The following AKT3 variants were observed in gnomAD, a reference collection of about 807,000 sequenced individuals.
AKT3 encodes the protein AKT serine/threonine kinase 3.
AKT3 carries 15 observed loss-of-function variants against 65.3 expected under a neutral mutation model. The observed-to-expected ratio is 0.23, with a 90% CI of 0.15 to 0.35. AKT3 has a LOEUF of 0.35. AKT3 is among the 10% of genes least tolerant of loss of function. AKT3 has a pLI of 1.00. For synonymous variants in AKT3, 206 were observed against 183.8 expected (o/e 1.12, Z -0.98); for missense variants, 243 against 576.5 (o/e 0.42, Z 5.92).
At chr1:243,687,518 T>G (rs190758148) in intron 3 of AKT3, 8 of 152,330 alleles carry the variant, frequency 5.3e-5, no homozygotes, top group Non-Finnish European at 7.3e-5. Flanking sequence ...GATGAAATCT[T>G]TCAGAGATGC....
chr1:243,756,027 T>C (rs1672493121), intron 2 of AKT3, among the ~76,000 whole-genome samples: 1 of 152,256 alleles, frequency 6.6e-6, no homozygotes, highest in African/African-American at 2.4e-5. Flanking sequence ...ATGAACCATA[T>C]AAGTCATATA....
At chr1:243,830,334 C>T (rs1694423826) in intron 2 of AKT3, among the ~76,000 whole-genome samples, 1 of 152,100 alleles carries the variant, frequency 6.6e-6, no homozygotes, top group Admixed American at 6.6e-5. Context: ...GCAGATTTTG[C>T]TATCTCCAGG....
intron 5 of AKT3, among the ~76,000 whole-genome samples, chr1:243,643,900 T>G (rs1451420377): frequency 1.3e-5 from 2 of 152,188 alleles, no homozygotes; most frequent in African/African-American, 4.8e-5. Flanking sequence ...TTGATATACA[T>G]AAGGGTATAG....
At position 243,700,932 on chromosome 1, in the gene AKT3, C is replaced by T. The variant is rs566086786; in HGVS notation, c.47-5216G>A. On this transcript the variant is annotated intron_variant, in intron 2 of 13. Transcript: ENST00000673466. The stretch of plus-strand genomic sequence containing the variant: ...TTATCATGAATTATATACTCTCAAA[C>T]CAGAGCTCACCAAAAAGTTGACAGT... Among the ~76,000 whole-genome samples the T allele has an allele frequency of 1.0e-3, 158 of 152,282 alleles. 1 individual carries two copies. The highest frequency in any genetic ancestry group is 3.7e-3 in the African/African-American group (155 of 41,556).
intron 2 of AKT3, among the ~76,000 whole-genome samples, chr1:243,737,410 T>C (rs890933240): frequency 6.6e-6 from 1 of 152,170 alleles, no homozygotes; most frequent in African/African-American, 2.4e-5. Flanking sequence ...TAGGAGCCCC[T>C]TCTGTTATTC....
At chr1:243,773,451 T>C (rs1329272241) in intron 2 of AKT3, among the ~76,000 whole-genome samples, 1 of 152,054 alleles carries the variant, frequency 6.6e-6, no homozygotes, top group Non-Finnish European at 1.5e-5. Context: ...CATCTTTCTA[T>C]GCCTCTTTCA....
intron 12 of AKT3, among the ~76,000 whole-genome samples, chr1:243,539,564 T>C (rs1163049035): frequency 1.3e-5 from 2 of 152,078 alleles, no homozygotes; most frequent in East Asian, 3.9e-4. Context: ...ATATAGAACA[T>C]ACAGCAACAT....
intron 8 of AKT3, among the ~76,000 whole-genome samples, chr1:243,599,609 A>G (rs1676866833): frequency 6.6e-6 from 1 of 152,168 alleles, no homozygotes; most frequent in Non-Finnish European, 1.5e-5. Flanking sequence ...AGCTACCACC[A>G]TAAGAACAAA....
intron 3 of AKT3, among the ~76,000 whole-genome samples, chr1:243,675,548 C>T (rs1023867473): frequency 2.0e-5 from 3 of 152,164 alleles, no homozygotes; most frequent in South Asian, 2.1e-4. Context: ...CTCCTCTTCC[C>T]GCTAACTGCC....
intron 3 of AKT3, among the ~76,000 whole-genome samples, chr1:243,670,854 T>C (rs1683109040): frequency 6.6e-6 from 1 of 152,102 alleles, no homozygotes; most frequent in Admixed American, 6.6e-5. Flanking sequence ...ACAAAGTCTG[T>C]ACAAAGCTGT....
chr1:243,831,335 G>T (rs1694494305), intron 2 of AKT3, among the ~76,000 whole-genome samples: 1 of 152,142 alleles, frequency 6.6e-6, no homozygotes, highest in African/African-American at 2.4e-5. Context: ...TCATAAGGAG[G>T]TCAAGACAGG....
intron 1 of AKT3, among the ~76,000 whole-genome samples, chr1:243,847,436 T>C (rs973473864): frequency 1.3e-4 from 20 of 152,160 alleles, no homozygotes; most frequent in Admixed American, 5.9e-4. Flanking sequence ...AAAGAAAACA[T>C]AGCTATCTTT....
chr1:243,659,678 C>T (rs1192533977), intron 4 of AKT3, among the ~76,000 whole-genome samples: 8 of 151,912 alleles, frequency 5.3e-5, no homozygotes, highest in Middle Eastern at 3.4e-3. Context: ...ATGATGGGCT[C>T]GCCATTGAGA....
intron 7 of AKT3, among the ~76,000 whole-genome samples, chr1:243,614,204 G>T (rs1309299973): frequency 6.6e-6 from 1 of 152,008 alleles, no homozygotes; most frequent in African/African-American, 2.4e-5. Flanking sequence ...AACAGAGTTG[G>T]TTTATATAAT....
At chr1:243,655,686 C>A (rs1164341218) in intron 4 of AKT3, among the ~76,000 whole-genome samples, 1 of 152,164 alleles carries the variant, frequency 6.6e-6, no homozygotes, top group Non-Finnish European at 1.5e-5. Context: ...TCAATCCTCT[C>A]AAAGCAAATC....
chr1:243,703,760 CAAAAA>C (rs370671685), intron 2 of AKT3, among the ~76,000 whole-genome samples: 9 of 78,404 alleles, frequency 1.1e-4, no homozygotes, highest in Non-Finnish European at 1.4e-4. Flanking sequence ...GACTCCATCT[CAAAAA>C]AAAAAAAAAA....
At chr1:243,827,152 A>T (rs1339976759) in intron 2 of AKT3, among the ~76,000 whole-genome samples, 1 of 152,190 alleles carries the variant, frequency 6.6e-6, no homozygotes, top group Non-Finnish European at 1.5e-5. Context: ...TTATCTTTAT[A>T]AACTGGAATC....
At chr1:243,499,518 G>C (rs924512470), downstream of AKT3, among the ~76,000 whole-genome samples, 4 of 151,892 alleles carry the variant, frequency 2.6e-5, no homozygotes, top group Non-Finnish European at 5.9e-5. Context: ...CGTGTCTTTT[G>C]TCTAGGTTGT....
At chr1:243,665,978 C>A (rs1175044548) in intron 3 of AKT3, among the ~76,000 whole-genome samples, 1 of 152,054 alleles carries the variant, frequency 6.6e-6, no homozygotes, top group African/African-American at 2.4e-5. Context: ...TTTATAGTTC[C>A]AATTCTTTAC....
Sources: gnomAD v4.1 joint callset for allele counts (sites outside exome capture counted in the v4.1 genomes callset) on GRCh38, gnomAD v4.1.1 for gene constraint, MANE v1.5 for transcripts, NCBI Gene and HGNC (gene_info 2026-07-23, HGNC 2026-07-21) for gene names.